Variants in TTYH2 observed in about 807,000 individuals in gnomAD.
TTYH2 encodes tweety family member 2, also known as protein tweety homolog 2.
TTYH2 carries 49 observed loss-of-function variants against 68.3 expected under a neutral mutation model. The observed-to-expected ratio is 0.72, with a 90% CI of 0.57 to 0.91. The LOEUF (loss-of-function observed/expected upper bound fraction) is 0.91. TTYH2 is among the 40% of genes least tolerant of loss of function. The pLI is 0.00. For synonymous variants in TTYH2, 272 were observed against 300.8 expected, an observed-to-expected ratio of 0.90 and a Z score of 0.99; for missense variants, 631 against 700.4, an observed-to-expected ratio of 0.90 and a Z score of 1.12.
chr17:74,234,420 T>C (rs1385634256), intron 3 of TTYH2, among the ~76,000 whole-genome samples: 1 of 152,214 alleles, frequency 6.6e-6, no homozygotes, highest in Non-Finnish European at 1.5e-5. Flanking sequence ...TATTATGTCC[T>C]GAAACTTTAA....
At chr17:74,251,289 TGTG>T (rs1029385326) in intron 10 of TTYH2, among the ~76,000 whole-genome samples, 2 of 149,160 alleles carry the variant, frequency 1.3e-5, no homozygotes, top group East Asian at 2.0e-4. Flanking sequence ...CTGTGATGTG[TGTG>T]GTGTGTGTGC....
chr17:74,252,981 G>C, intron 11 of TTYH2, 100 bp from the exon 12 acceptor site: 1 of 1,304,934 alleles, frequency 7.7e-7, no homozygotes, highest in African/African-American at 1.5e-5. Flanking sequence ...CGCGTGGCCA[G>C]AGAGTCCTGG....
At chr17:74,250,173 C>A in intron 9 of TTYH2, 92 bp from the exon 10 acceptor site, 1 of 1,472,584 alleles carries the variant, frequency 6.8e-7, no homozygotes, top group Non-Finnish European at 9.3e-7. Flanking sequence ...TCCCTTGGCT[C>A]TAGAGGCCCC....
In TTYH2 at chr17:74,232,677, T is replaced by C. The variant is rs1430217206; in HGVS notation, c.414+1678T>C. 6.6e-6 allele frequency among the ~76,000 whole-genome samples: 1 copy of C among 152,092 alleles called. No homozygotes were observed. Among genetic ancestry groups the C allele is most frequent in the Non-Finnish European group, 1.5e-5 (1 of 67,992 alleles). On this transcript the variant is annotated intron_variant, in intron 3 of 13. Transcript: ENST00000269346. The surrounding 1 kb of genome is among the most constrained non-coding windows in gnomAD (Gnocchi z 5.1). Reference sequence around the variant, plus strand: ...CTGCCATCCTGCTGCCTGCCTCCTCTTCACCCACCAGCACCAGGATCACTG... The same window carrying C: ...CTGCCATCCTGCTGCCTGCCTCCTCCTCACCCACCAGCACCAGGATCACTG...
rs369446646 is a variant in TTYH2 at position 74,213,729 on chromosome 17, C to T, written c.129+13C>T. Reference sequence around the variant, plus strand: ...GAGTTACCAGGAGGTAAGTTTACGCCGCCCCAGACCGCAGCCACGCGCGCC... The same window carrying T: ...GAGTTACCAGGAGGTAAGTTTACGCTGCCCCAGACCGCAGCCACGCGCGCC... On this transcript the variant is annotated intron_variant, in intron 1 of 13. Transcript: ENST00000269346. The surrounding 1 kb of genome is among the most constrained non-coding windows in gnomAD (Gnocchi z 6.1). 19 of 1,606,508 alleles carry T rather than the reference C, an allele frequency of 1.2e-5. No individual in the cohort carries two copies. The highest frequency in any genetic ancestry group is 2.2e-5 in the South Asian group (2 of 90,310).
intron 6 of TTYH2, among the ~76,000 whole-genome samples, chr17:74,247,562 C>T (rs1368860866): frequency 6.6e-6 from 1 of 152,140 alleles, no homozygotes; most frequent in Non-Finnish European, 1.5e-5. Flanking sequence ...CACTGTGGAG[C>T]CTTGGACTGG....
In TTYH2 at chr17:74,241,589, C is replaced by G. The variant is rs1231072622; in HGVS notation, c.636-1785C>G. ...CCAGCTTGCTCCCTCCCCTCTCTCCCTCGGAGCCTCTTTGCCACTTTCTGC... is the reference window on the plus strand; with the variant it reads ...CCAGCTTGCTCCCTCCCCTCTCTCCGTCGGAGCCTCTTTGCCACTTTCTGC... On this transcript the variant is annotated intron_variant, in intron 4 of 13. Transcript: ENST00000269346. The surrounding 1 kb of genome is among the most constrained non-coding windows in gnomAD (Gnocchi z 4.1). Among the ~76,000 whole-genome samples the G allele has an allele frequency of 6.6e-6, 1 of 152,222 alleles. No homozygotes were observed. Among genetic ancestry groups the G allele is most frequent in the East Asian group, 1.9e-4 (1 of 5,192 alleles).
Position 74,252,373 on chromosome 17 carries a change from C to T in TTYH2, c.1256C>T (p.Thr419Ile), listed in dbSNP as rs12600564. 234,569 of 1,612,824 alleles carry T rather than the reference C, an allele frequency of 0.15. 18,105 individuals carry two copies. Among genetic ancestry groups the T allele is most frequent in the Non-Finnish European group, 0.16 (185,110 of 1,179,592 alleles). Residue 419 changes from threonine (T) to isoleucine (I), a missense_variant, in exon 11 of 14, where the codon ACC becomes ATC. Coordinates refer to ENST00000269346, the MANE Select transcript of TTYH2 (RefSeq NM_032646.6). ...AGPRAWKHFTTRNRDYDDIDD... is the reference protein window; with the variant it reads ...AGPRAWKHFTIRNRDYDDIDD... ...CCAAGGGCCTGGAAGCACTTCACCA[C>T]CAGGTGGGCTGCCTAGTAAGGAGGG... is the stretch of plus-strand genomic sequence containing the variant.
At position 74,248,807 on chromosome 17, in the gene TTYH2, C is replaced by A. The variant is rs369640532; in HGVS notation, c.805-204C>A. The A allele has an allele frequency of 1.1e-5, 16 of 1,421,626 alleles. No homozygotes were observed. The East Asian group carries it at 4.0e-4, about 36-fold the overall frequency. 88.1% of individuals were successfully genotyped at this position (1,421,626 alleles called of 1,614,324 possible). A position where few individuals can be genotyped will look rare whatever the true frequency, so the allele number is the denominator to read the frequency against. On this transcript the variant is annotated intron_variant, in intron 6 of 13. Coordinates refer to ENST00000269346, the MANE Select transcript of TTYH2 (RefSeq NM_032646.6). ...TGTCACAGATGAGGCAACCGGGGCA[C>A]AGGAAGAATAAGTAACTTGTCCAAG...
Position 74,232,399 on chromosome 17 carries a change from C to T in TTYH2, c.414+1400C>T, listed in dbSNP as rs912522833. ...TGGTCCTTTGCAGAGTTCATTCCAC[C>T]GCCCGTGTCCACTGGGACCCATCCC... On this transcript the variant is annotated intron_variant, in intron 3 of 13. Coordinates refer to ENST00000269346, the MANE Select transcript of TTYH2 (RefSeq NM_032646.6). The surrounding 1 kb of genome is among the most constrained non-coding windows in gnomAD (Gnocchi z 5.1). Among the ~76,000 whole-genome samples the T allele has an allele frequency of 3.3e-5, 5 of 152,324 alleles. No individual in the cohort carries two copies. The highest frequency in any genetic ancestry group is 1.2e-4 in the African/African-American group (5 of 41,584).
chr17:74,224,278 G>A (rs1392250208), intron 2 of TTYH2, among the ~76,000 whole-genome samples: 1 of 152,176 alleles, frequency 6.6e-6, no homozygotes, highest in East Asian at 1.9e-4. Flanking sequence ...GTGCATGCTT[G>A]TAGTCCTGAC....
chr17:74,222,788 CTTTTT>C lies in TTYH2; in HGVS notation c.302+140_302+144del. 1.1e-6 allele frequency: 1 copy of C among 936,152 alleles called. No homozygotes were observed. The highest frequency in any genetic ancestry group is 1.5e-6 in the Non-Finnish European group (1 of 680,962). 58.0% of individuals were successfully genotyped at this position (936,152 alleles called of 1,614,324 possible). On this transcript the variant is annotated intron_variant, in intron 2 of 13. Coordinates refer to ENST00000269346, the MANE Select transcript of TTYH2 (RefSeq NM_032646.6). The surrounding 1 kb of genome is among the most constrained non-coding windows in gnomAD (Gnocchi z 5.2). ...GCTTGTCCCCAGATGAATGTTGTCCCTTTTTTTTTTTTTACCAAGCATCAGGAATC... is the reference window on the plus strand; with the variant it reads ...GCTTGTCCCCAGATGAATGTTGTCCCTTTTTTTTACCAAGCATCAGGAATC...
At chr17:74,258,510 A>G (rs1598237315) in intron 13 of TTYH2, among the ~76,000 whole-genome samples, 1 of 152,024 alleles carries the variant, frequency 6.6e-6, no homozygotes, top group African/African-American at 2.4e-5. Context: ...CTGGTGATCC[A>G]CCTGTCTCGG....
chr17:74,250,476 G>C (rs1239944935), intron 10 of TTYH2, 119 bp downstream of exon 10: 1 of 795,824 alleles, frequency 1.3e-6, no homozygotes, highest in African/African-American at 1.8e-5. Flanking sequence ...TCCGGCCCAG[G>C]AATGGAACTG....
At chr17:74,251,179 T>G (rs564175411) in intron 10 of TTYH2, among the ~76,000 whole-genome samples, 32 of 151,658 alleles carry the variant, frequency 2.1e-4, no homozygotes, top group African/African-American at 7.5e-4. Flanking sequence ...TGCATGCTTG[T>G]GCGCATGTGT....
At chr17:74,249,736 T>C (rs1206332616) in intron 8 of TTYH2, among the ~76,000 whole-genome samples, 200 bp from the exon 9 acceptor site, 2 of 144,362 alleles carry the variant, frequency 1.4e-5, no homozygotes, top group Non-Finnish European at 3.0e-5. Flanking sequence ...GAGAAGACTG[T>C]GCAGCTCTCA....
rs1555599452 is a variant in TTYH2 at position 74,241,296 on chromosome 17, T to TGCGCGC, written c.636-2075_636-2074insCGCGCG. ...GTGTGTGTGTGTGTGTGTGTGTGTG[T>TGCGCGC]GCGTGTAAAAATAAGAATGTGATCC... On this transcript the variant is annotated intron_variant, in intron 4 of 13. Transcript: ENST00000269346. This position sits in a 1 kb window ranked among gnomAD's most constrained non-coding sequence, Gnocchi z 4.1. Among the ~76,000 whole-genome samples the TGCGCGC allele has an allele frequency of 6.8e-6, 1 of 146,370 alleles. No individual in the cohort carries two copies. The highest frequency in any genetic ancestry group is 3.5e-3 in the Middle Eastern group (1 of 286).
At chr17:74,240,214 G>A (rs1408943501) in intron 4 of TTYH2, among the ~76,000 whole-genome samples, 4 of 152,112 alleles carry the variant, frequency 2.6e-5, no homozygotes, top group Admixed American at 2.6e-4. Context: ...TGAGGTGGGT[G>A]GATCACCTGA....
Position 74,254,886 on chromosome 17 carries a change from G to T in TTYH2, c.1524+1053G>T, listed in dbSNP as rs114994057. ...TTGGCTGTGGTGGCGGGTCTGGGAG[G>T]GCTGAACCCAAACACAGCCTTCCTC... is the stretch of plus-strand genomic sequence containing the variant. On this transcript the variant is annotated intron_variant, in intron 13 of 13. Coordinates refer to ENST00000269346, the MANE Select transcript of TTYH2 (RefSeq NM_032646.6). Among the ~76,000 whole-genome samples, 1,201 of 152,214 alleles carry T rather than the reference G, an allele frequency of 7.9e-3. 10 individuals carry two copies. Among genetic ancestry groups the T allele is most frequent in the African/African-American group, 0.028 (1,155 of 41,524 alleles).
Sources: allele counts gnomAD v4.1 joint callset (sites outside exome capture counted in the v4.1 genomes callset), GRCh38; gene constraint gnomAD v4.1.1; non-coding constraint Gnocchi (gnomAD v3.1); transcripts MANE v1.5; gene names NCBI Gene and HGNC (gene_info 2026-07-23, HGNC 2026-07-21).